Variants in CPSF1 observed in about 807,000 individuals in gnomAD.
CPSF1 encodes cleavage and polyadenylation specific factor 1.
In CPSF1, 106 loss-of-function variants were observed where a neutral mutation model predicts 175.8. The observed-to-expected ratio is 0.60, with a 90% CI of 0.52 to 0.71. The LOEUF (loss-of-function observed/expected upper bound fraction) is 0.71. CPSF1 is among the 30% of genes least tolerant of loss of function. The pLI is 0.00. For missense variants in CPSF1, 1,734 were observed against 2,022.9 expected (o/e 0.86, Z 2.74); for synonymous variants, 1,024 against 858.3 (o/e 1.19, Z -3.37).
Position 144,401,639 on chromosome 8 carries a change from C to T in CPSF1, c.172+7G>A. On this transcript the variant is annotated splice_region_variant and intron_variant, in intron 3 of 37. Coordinates refer to ENST00000616140, the MANE Select transcript of CPSF1 (RefSeq NM_013291.3). ...CGCACAGCCCCAGGCCGCCCCACCA[C>T]ACTCACCTGTGCTCCTGTCATTCTT... 1 of 1,611,386 alleles carries T rather than the reference C, an allele frequency of 6.2e-7. No individual in the cohort carries two copies. Among genetic ancestry groups the T allele is most frequent in the Non-Finnish European group, 8.5e-7 (1 of 1,178,898 alleles).
In CPSF1 at chr8:144,399,401, A is replaced by G. The variant is rs2116862273; in HGVS notation, c.1295-28T>C. The G allele has an allele frequency of 1.2e-6, 2 of 1,612,828 alleles. No homozygotes were observed. Among genetic ancestry groups the G allele is most frequent in the East Asian group, 2.2e-5 (1 of 44,882 alleles). On this transcript the variant is annotated intron_variant, in intron 13 of 37. Transcript: ENST00000616140. This position sits in a 1 kb window ranked among gnomAD's most constrained non-coding sequence, Gnocchi z 6.4. Reference sequence around the variant, plus strand: ...GCACACAGAGAGCCCACTTGAGCGCAGCCCTGGGTCACCTGGCCCCGCTCC... The same window carrying G: ...GCACACAGAGAGCCCACTTGAGCGCGGCCCTGGGTCACCTGGCCCCGCTCC...
intron 2 of CPSF1, among the ~76,000 whole-genome samples, chr8:144,407,121 G>T (rs934523602): frequency 6.6e-6 from 1 of 151,890 alleles, no homozygotes; most frequent in Non-Finnish European, 1.5e-5. Flanking sequence ...TGCCACGTTG[G>T]CCAGACTGGT....
In CPSF1 at chr8:144,397,540, G is replaced by A. The variant is rs138868227; in HGVS notation, c.2332C>T (p.Arg778Trp). 4.9e-5 allele frequency: 77 copies of A among 1,570,484 alleles called. No individual in the cohort carries two copies. The highest frequency in any genetic ancestry group is 4.7e-4 in the African/African-American group (35 of 74,446). ...AGGCACCAGTGGGTAGGCTCTGCCCGGAAGGGTGCAGGGTCCCGGTCAGCA... is the reference window on the plus strand; with the variant it reads ...AGGCACCAGTGGGTAGGCTCTGCCCAGAAGGGTGCAGGGTCCCGGTCAGCA... ...PPADRDPAPF[R>W]AEPTHWCLLV... The change falls in exon 22 of 38, where the codon CGG (arginine) becomes TGG (tryptophan). Residue 778 changes from arginine to tryptophan, a missense_variant. Around this residue, in one of 10 missense-constraint regions of CPSF1, gnomAD observed 585 missense variants for 584.7 expected, o/e 1.00. Coordinates refer to ENST00000616140, the MANE Select transcript of CPSF1 (RefSeq NM_013291.3).
In CPSF1 at chr8:144,395,522, G is replaced by A. The variant is rs782722316; in HGVS notation, c.3009C>T (p.Ala1003=). The part of the protein sequence containing the change: ...QGELRISVLP[A]YLSYDAPWPV... The stretch of plus-strand genomic sequence containing the variant: ...GCCATGGGGCATCATAGGACAGGTA[G>A]GCAGGCAGGACACTGATCCTCAGCT... Residue 1003 remains alanine, a synonymous_variant, in exon 27 of 38, where the codon GCC becomes GCT. Transcript: ENST00000616140. 12 of 1,610,012 alleles carry A rather than the reference G, an allele frequency of 7.5e-6. No individual in the cohort carries two copies. Among genetic ancestry groups the A allele is most frequent in the East Asian group, 2.2e-5 (1 of 44,700 alleles).
chr8:144,398,026 C>T lies in CPSF1; in HGVS notation c.2001G>A (p.Met667Ile). ...VIMSAEGHVTMFLLKSDSYGG... is the reference protein window; with the variant it reads ...VIMSAEGHVTIFLLKSDSYGG... ...CGTAGGAGTCACTCTTCAGCAGGAACATGGTGACGTGGCCCTCGGCACTCA... is the reference window on the plus strand; with the variant it reads ...CGTAGGAGTCACTCTTCAGCAGGAATATGGTGACGTGGCCCTCGGCACTCA... Residue 667 changes from methionine (M) to isoleucine (I), a missense_variant, in exon 20 of 38, where the codon ATG (methionine) becomes ATA (isoleucine). Physicochemically the swap from Met to Ile is conservative, Grantham distance 10. Coordinates refer to ENST00000616140, the MANE Select transcript of CPSF1 (RefSeq NM_013291.3). 1 of 1,612,454 alleles carries T rather than the reference C, an allele frequency of 6.2e-7. No individual in the cohort carries two copies. Among genetic ancestry groups the T allele is most frequent in the Non-Finnish European group, 8.5e-7 (1 of 1,179,768 alleles).
rs1458683691 is a variant in CPSF1, at chr8:144,396,130, C to G, written c.2979+218G>C. 2.0e-5 allele frequency: 12 copies of G among 589,590 alleles called. No homozygotes were observed. The Admixed American group carries it at 3.0e-4, about 15-fold the overall frequency. The allele number at this position is 589,590 out of a possible 1,614,324, so 36.5% of individuals were successfully genotyped here. A position where few individuals can be genotyped will look rare whatever the true frequency, so the allele number is the denominator to read the frequency against. On this transcript the variant is annotated intron_variant, in intron 26 of 37. Coordinates refer to ENST00000616140, the MANE Select transcript of CPSF1 (RefSeq NM_013291.3). ...CGAGCCGGCAGAGCAGTGGTGGGGA[C>G]CCCAGGGGCTGCAGCCCCAGCTCCC...
intron 2 of CPSF1, among the ~76,000 whole-genome samples, chr8:144,402,299 T>G (rs2116890424): frequency 6.6e-6 from 1 of 152,302 alleles, no homozygotes; most frequent in East Asian, 1.9e-4. Flanking sequence ...TTGTTTTGTT[T>G]TTTTTTGTTT....
chr8:144,394,626 C>T lies in CPSF1; in HGVS notation c.3567+18G>A, dbSNP rs782009042. Reference sequence around the variant, plus strand: ...TGAGGGTGAGCCGGGGGACACACGCCGGGTGGGACTGGCACACCTTCTGGC... The same window carrying T: ...TGAGGGTGAGCCGGGGGACACACGCTGGGTGGGACTGGCACACCTTCTGGC... On this transcript the variant is annotated intron_variant, in intron 31 of 37. Transcript: ENST00000616140. 25 of 1,602,736 alleles carry T rather than the reference C, an allele frequency of 1.6e-5. No homozygotes were observed. The highest frequency in any genetic ancestry group is 1.7e-4 in the Middle Eastern group (1 of 6,032).
At chr8:144,404,993 C>T (rs1317614030) in intron 2 of CPSF1, among the ~76,000 whole-genome samples, 1 of 149,856 alleles carries the variant, frequency 6.7e-6, no homozygotes, top group Non-Finnish European at 1.5e-5. Context: ...TGCAGTGAGC[C>T]GAGATTGTGC....
chr8:144,396,288 C>A, intron 26 of CPSF1, 60 bp downstream of exon 26: 1 of 1,511,184 alleles, frequency 6.6e-7, no homozygotes, highest in Non-Finnish European at 9.0e-7. Context: ...TGTCCCCTCC[C>A]CCTCAGCCCC....
At position 144,400,357 on chromosome 8, in the gene CPSF1, T is replaced by C. The variant is rs2116874640; in HGVS notation, c.823A>G (p.Ile275Val). Residue 275 changes from isoleucine to valine, a missense_variant, in exon 8 of 38, where the codon ATA becomes GTA. Physicochemically the swap from Ile to Val is conservative, Grantham distance 29. Coordinates refer to ENST00000616140, the MANE Select transcript of CPSF1 (RefSeq NM_013291.3). ...CTQALAVPKP[I>V]GGVVVFAVNS... ...TATCCACTCCCAGGACACACACCTA[T>C]GGGCTTGGGCACAGCCAGAGCCTGG... The C allele has an allele frequency of 2.5e-6, 4 of 1,613,822 alleles. No individual in the cohort carries two copies. Among genetic ancestry groups the C allele is most frequent in the East Asian group, 4.5e-5 (2 of 44,878 alleles).
chr8:144,399,958 G>A lies in CPSF1; in HGVS notation c.1031+34C>T, dbSNP rs2116868442. The stretch of plus-strand genomic sequence containing the variant: ...CCCTACAGGACTTGTGGGGGGCGGT[G>A]TGGGCAGAGTTCATGGGCGGGGGAG... On this transcript the variant is annotated intron_variant, in intron 10 of 37. Transcript: ENST00000616140. This position sits in a 1 kb window ranked among gnomAD's most constrained non-coding sequence, Gnocchi z 6.4. The A allele has an allele frequency of 1.5e-5, 24 of 1,600,046 alleles. No homozygotes were observed. Among genetic ancestry groups the A allele is most frequent in the Non-Finnish European group, 2.0e-5 (24 of 1,172,170 alleles).
In CPSF1 at chr8:144,394,662, C is replaced by T; in HGVS notation, c.3549G>A (p.Val1183=). The change falls in exon 31 of 38, where the codon GTG becomes GTA. Residue 1183 remains valine (V), a synonymous_variant. Transcript: ENST00000616140. ...GGCACACCTTCTGGCCGATGGCCGA[C>T]ACCAGGTGGCCATTGCAGTGGCACA... ...TALCHCNGHL[V]SAIGQKIFLW... The T allele has an allele frequency of 6.2e-7, 1 of 1,609,558 alleles. No homozygotes were observed. Among genetic ancestry groups the T allele is most frequent in the Middle Eastern group, 1.7e-4 (1 of 6,056 alleles).
At chr8:144,408,954 CG>C (rs1821645878) in intron 2 of CPSF1, 60 bp downstream of exon 2, 16 of 1,580,570 alleles carry the variant, frequency 1.0e-5, no homozygotes, top group Non-Finnish European at 1.3e-5. Flanking sequence ...CATCTGCAAC[CG>C]GGGGCGGTGA....
At chr8:144,402,220 A>C (rs1403405368) in intron 2 of CPSF1, among the ~76,000 whole-genome samples, 6 of 152,238 alleles carry the variant, frequency 3.9e-5, no homozygotes, top group African/African-American at 1.2e-4. Context: ...GTTCTTTGCT[A>C]CTAGGTAGCT....
Position 144,395,985 on chromosome 8 carries a change from A to T in CPSF1, c.2979+363T>A, listed in dbSNP as rs1030021841. On this transcript the variant is annotated intron_variant, in intron 26 of 37. Coordinates refer to ENST00000616140, the MANE Select transcript of CPSF1 (RefSeq NM_013291.3). The stretch of plus-strand genomic sequence containing the variant: ...GGTGGTGTGGTGGCTTAAATAGGGA[A>T]CCAGGATGAGAAAGCCTGTGTGCCC... 10 of 387,870 alleles carry T rather than the reference A, an allele frequency of 2.6e-5. 1 individual carries two copies. The highest frequency in any genetic ancestry group is 4.1e-5 in the Admixed American group (1 of 24,678). The allele number at this position is 387,870 out of a possible 1,614,324, so 24.0% of individuals were successfully genotyped here.
chr8:144,405,706 T>C (rs1225826116), intron 2 of CPSF1, among the ~76,000 whole-genome samples: 1 of 152,180 alleles, frequency 6.6e-6, no homozygotes, highest in Non-Finnish European at 1.5e-5. Context: ...AGGCTGCCTT[T>C]AGGGCAGACT....
rs2116869902 is a variant in CPSF1, at chr8:144,400,083, T to C, written c.940A>G (p.Thr314Ala). 6.3e-7 allele frequency: 1 copy of C among 1,595,868 alleles called. No individual in the cohort carries two copies. The highest frequency in any genetic ancestry group is 1.1e-5 in the South Asian group (1 of 90,520). The stretch of plus-strand genomic sequence containing the variant: ...AGGGTGATCCGCACACCCTCCTGGG[T>C]GCCTGTGGGGTGGGTGGTCAGGCCG... ...TTGTTAFPLR[T>A]QEGVRITLDC... The change falls in exon 10 of 38, where the codon ACC (threonine) becomes GCC (alanine). Residue 314 changes from threonine (T) to alanine (A), a missense_variant and splice_region_variant. Transcript: ENST00000616140.
intron 2 of CPSF1, among the ~76,000 whole-genome samples, chr8:144,406,121 G>C (rs1463639743): frequency 6.6e-6 from 1 of 152,098 alleles, no homozygotes; most frequent in East Asian, 1.9e-4. Flanking sequence ...ACAGGAGTTC[G>C]AGGCCAGCCT....
Sources: allele counts gnomAD v4.1 joint callset (sites outside exome capture counted in the v4.1 genomes callset), GRCh38; gene constraint gnomAD v4.1.1; regional missense constraint gnomAD v4.1.1; non-coding constraint Gnocchi (gnomAD v3.1); transcripts MANE v1.5; gene names NCBI Gene and HGNC (gene_info 2026-07-23, HGNC 2026-07-21).